The following NID2 variants were observed in gnomAD, a reference collection of about 807,000 sequenced individuals.
The protein encoded by NID2 is nidogen 2, also known as nidogen-2.
A neutral mutation model predicts 145.4 loss-of-function variants in NID2; 83 were observed. The ratio of observed to expected loss-of-function variants is 0.57; its 90% CI spans 0.48 to 0.69. NID2 has a LOEUF of 0.69. Ranked by LOEUF, NID2 falls within the 30% of genes least tolerant of loss-of-function variation. The probability of loss-of-function intolerance (pLI) is 0.00; values close to 1 mark genes in which losing one functional copy is unlikely to be tolerated. For missense variants in NID2, 1,807 were observed against 1,765.7 expected, an observed-to-expected ratio of 1.02 and a Z score of -0.42; for synonymous variants, 739 against 701.3, an observed-to-expected ratio of 1.05 and a Z score of -0.85.
At chr14:52,057,183 G>A (rs544180524) in intron 3 of NID2, among the ~76,000 whole-genome samples, 5 of 152,012 alleles carry the variant, frequency 3.3e-5, no homozygotes, top group East Asian at 1.9e-4. Flanking sequence ...CTGGGTCTAC[G>A]GGTGCACACC....
Position 52,029,641 on chromosome 14 carries a change from CAT to C in NID2, c.2305_2306del (p.Met769ValfsTer2). On this transcript the variant is annotated frameshift_variant, in exon 10 of 22. Transcript: ENST00000216286. LOFTEE classifies it high-confidence loss of function. Reference protein sequence around the residue: ...PGNPCYDGSHMCDTTARCHPG... With the variant: ...PGNPCYDGSHXCDTTARCHPG... Reference sequence around the variant, plus strand: ...GATGGCACCGTGCTGTTGTGTCACACATGTGGCTCCCATCATAGCAAGGATTC... The same window carrying C: ...GATGGCACCGTGCTGTTGTGTCACACGTGGCTCCCATCATAGCAAGGATTC... The C allele has an allele frequency of 6.2e-7, 1 of 1,614,110 alleles. No homozygotes were observed. The highest frequency in any genetic ancestry group is 8.5e-7 in the Non-Finnish European group (1 of 1,179,928).
chr14:52,019,607 A>G (rs1891330403), intron 13 of NID2, among the ~76,000 whole-genome samples: 1 of 152,160 alleles, frequency 6.6e-6, no homozygotes, highest in Non-Finnish European at 1.5e-5. Context: ...AAGCTCATTC[A>G]TGCCCTGAGG....
chr14:52,008,151 C>T (rs1890867211), intron 18 of NID2, 184 bp from the exon 19 acceptor site: 2 of 492,244 alleles, frequency 4.1e-6, no homozygotes, highest in African/African-American at 2.0e-5. Context: ...AAGTGATAGG[C>T]TATCACTGCC....
intron 7 of NID2, 69 bp from the exon 8 acceptor site, chr14:52,040,920 G>A: frequency 2.2e-6 from 3 of 1,348,730 alleles, no homozygotes; most frequent in Non-Finnish European, 1.1e-6. Flanking sequence ...AGTATATACT[G>A]CCCGCTCCCA....
In NID2 at chr14:52,058,170, A is replaced by G. The variant is rs548143692; in HGVS notation, c.767+1954T>C. ...AATAAGCTGTCTTTATACATATATG[A>G]CATAACGTTTTGTAGCCTTAAAATG... On this transcript the variant is annotated intron_variant, in intron 3 of 21. Transcript: ENST00000216286. Among the ~76,000 whole-genome samples the G allele has an allele frequency of 1.8e-4, 28 of 152,380 alleles. No individual in the cohort carries two copies. In the East Asian group the frequency reaches 5.0e-3, roughly 27 times the overall value.
intron 5 of NID2, among the ~76,000 whole-genome samples, chr14:52,043,527 G>A (rs1892363852): frequency 1.3e-5 from 2 of 152,200 alleles, no homozygotes; most frequent in Admixed American, 6.5e-5. Context: ...CTATTAAAAT[G>A]CCCTATGCCC....
rs1890733261 is a variant in NID2 at position 52,005,470 on chromosome 14, CTT to C, written c.*14_*15del. 6.3e-7 allele frequency: 1 copy of C among 1,585,540 alleles called. No individual in the cohort carries two copies. The highest frequency in any genetic ancestry group is 8.6e-7 in the Non-Finnish European group (1 of 1,168,644). The stretch of plus-strand genomic sequence containing the variant: ...TTCTGATTGTAAACTCCAAGTCTTC[CTT>C]TACATTACTGTACTTACTTTCTTCC... On this transcript the variant is annotated 3_prime_UTR_variant, in exon 22 of 22. Coordinates refer to ENST00000216286, the MANE Select transcript of NID2 (RefSeq NM_007361.4).
At position 52,053,799 on chromosome 14, in the gene NID2, T is replaced by C; in HGVS notation, c.1209A>G (p.Ser403=). 2 of 1,614,196 alleles carry C rather than the reference T, an allele frequency of 1.2e-6. No homozygotes were observed. The highest frequency in any genetic ancestry group is 1.7e-6 in the Non-Finnish European group (2 of 1,180,020). ...SPAPPEVDRD[S]LAPSWETPPP... The stretch of plus-strand genomic sequence containing the variant: ...GTGGGGTTTCCCAGGAAGGAGCCAG[T>C]GAATCTCTGTCTACCTCTGGTGGAG... Residue 403 remains serine (S), a synonymous_variant, in exon 5 of 22, where the codon TCA becomes TCG. Transcript: ENST00000216286.
intron 18 of NID2, chr14:52,008,787 G>T (rs1164671897): frequency 6.6e-6 from 1 of 152,190 alleles, no homozygotes; most frequent in African/African-American, 2.4e-5. Flanking sequence ...GTGGACCAGG[G>T]ATTTGAGAAG....
intron 2 of NID2, among the ~76,000 whole-genome samples, chr14:52,066,004 C>A (rs1003259014): frequency 6.6e-6 from 1 of 151,050 alleles, no homozygotes; most frequent in African/African-American, 2.4e-5. Flanking sequence ...ATTTATAGTC[C>A]TTTGGGTATA....
intron 3 of NID2, among the ~76,000 whole-genome samples, chr14:52,057,070 C>T (rs574450270): frequency 1.3e-4 from 20 of 152,268 alleles, no homozygotes; most frequent in Admixed American, 5.2e-4. Context: ...TAGGGTCTCC[C>T]TCTGTCACCC....
chr14:52,012,441 AAAAT>A (rs1891065311), intron 16 of NID2, among the ~76,000 whole-genome samples: 1 of 152,132 alleles, frequency 6.6e-6, no homozygotes, highest in African/African-American at 2.4e-5. Context: ...TAAAAAACAA[AAAAT>A]AAATGAACTG....
At position 52,028,726 on chromosome 14, in the gene NID2, G is replaced by T. The variant is rs759065818; in HGVS notation, c.2526C>A (p.Cys842Ter). The T allele has an allele frequency of 5.0e-6, 8 of 1,609,994 alleles. No homozygotes were observed. Among genetic ancestry groups the T allele is most frequent in the Non-Finnish European group, 6.8e-6 (8 of 1,178,896 alleles). Residue 842 changes from cysteine (C) to a stop codon, truncating the protein, a stop_gained, in exon 11 of 22, where the codon TGC becomes TGA. Transcript: ENST00000216286. LOFTEE classifies it high-confidence loss of function. Reference protein sequence around the residue: ...GYEFADDRHTCILITPPANPC... With the variant: ...GYEFADDRHT ...GAAAATGATTTTGGAACTCACAGAT[G>T]CAAGTATGCCGGTCATCTGCAAACT... is the stretch of plus-strand genomic sequence containing the variant.
At chr14:52,029,757 G>A (rs1431576813) in intron 9 of NID2, 67 bp from the exon 10 acceptor site, 1 of 1,380,722 alleles carries the variant, frequency 7.2e-7, no homozygotes, top group Non-Finnish European at 1.0e-6. Context: ...CGGAGATAGA[G>A]GAGTCCTCGG....
intron 14 of NID2, among the ~76,000 whole-genome samples, chr14:52,015,730 C>T (rs182204699): frequency 2.6e-5 from 4 of 152,274 alleles, no homozygotes; most frequent in Admixed American, 2.0e-4. Context: ...GTATTCATTC[C>T]CCACTTGCTT....
At chr14:52,014,185 G>T in intron 16 of NID2, 102 bp downstream of exon 16, 1 of 1,475,734 alleles carries the variant, frequency 6.8e-7, no homozygotes. Flanking sequence ...AACCCTCCAG[G>T]ACTTCCCTGC....
chr14:52,068,116 C>A lies in NID2; in HGVS notation c.276G>T (p.Thr92=), dbSNP rs146190571. The part of the protein sequence containing the change: ...IISTQDFPRE[T]QYVDYDFPTD... ...TGGGGAAATCATAGTCCACATACTG[C>A]GTTTCCCTGGGGAAGTCCTGAGTGG... The change falls in exon 2 of 22, where the codon ACG becomes ACT. Residue 92 remains threonine, a synonymous_variant. Coordinates refer to ENST00000216286, the MANE Select transcript of NID2 (RefSeq NM_007361.4). 7 of 1,613,418 alleles carry A rather than the reference C, an allele frequency of 4.3e-6. No individual in the cohort carries two copies. In the East Asian group the frequency reaches 1.6e-4, roughly 36 times the overall value.
intron 5 of NID2, among the ~76,000 whole-genome samples, chr14:52,050,831 A>T (rs1595047316): frequency 6.6e-6 from 1 of 152,240 alleles, no homozygotes; most frequent in East Asian, 1.9e-4. Flanking sequence ...CTGGTCTCGA[A>T]CTCCCCACAG....
intron 5 of NID2, among the ~76,000 whole-genome samples, chr14:52,048,016 AGTG>A (rs1453911221): frequency 6.6e-6 from 1 of 152,198 alleles, no homozygotes; most frequent in Non-Finnish European, 1.5e-5. Context: ...CCACCCCGCC[AGTG>A]ATTCTCACAC....
Sources: allele counts gnomAD v4.1 joint callset (sites outside exome capture counted in the v4.1 genomes callset), GRCh38; gene constraint gnomAD v4.1.1; transcripts MANE v1.5; gene names NCBI Gene and HGNC (gene_info 2026-07-23, HGNC 2026-07-21).